Variants in KCND2 observed in about 807,000 individuals in gnomAD.
The protein encoded by KCND2 is potassium voltage-gated channel subfamily D member 2, also known as A-type voltage-gated potassium channel KCND2.
Under a neutral mutation model 54.4 loss-of-function variants are expected in KCND2, and 16 were observed. That is an observed-to-expected ratio of 0.29 (90% CI 0.20 to 0.45). The LOEUF is 0.45. Among genes scored for constraint, KCND2 ranks in the 20% least tolerant of loss-of-function variants. The pLI is 1.00. For synonymous variants in KCND2, 317 were observed against 310.7 expected, an observed-to-expected ratio of 1.02 and a Z score of -0.21; for missense variants, 486 against 824.2, an observed-to-expected ratio of 0.59 and a Z score of 5.02.
At chr7:120,434,269 A>G (rs1399674527) in intron 1 of KCND2, among the ~76,000 whole-genome samples, 3 of 152,210 alleles carry the variant, frequency 2.0e-5, no homozygotes, top group African/African-American at 4.8e-5. Context: ...AGAGGCATCT[A>G]TGGGAGGAAA....
At chr7:120,318,712 T>C (rs898801394) in intron 1 of KCND2, among the ~76,000 whole-genome samples, 5 of 152,174 alleles carry the variant, frequency 3.3e-5, no homozygotes, top group African/African-American at 1.2e-4. Context: ...CCAGGTCTCA[T>C]GTTATGAAGA....
At chr7:120,504,301 T>A (rs1335047700) in intron 1 of KCND2, among the ~76,000 whole-genome samples, 1 of 151,900 alleles carries the variant, frequency 6.6e-6, no homozygotes, top group Admixed American at 6.6e-5. Context: ...TATCAGAGAG[T>A]CCCTTATTAG....
chr7:120,308,441 T>G (rs995335947), intron 1 of KCND2, among the ~76,000 whole-genome samples: 3 of 152,188 alleles, frequency 2.0e-5, no homozygotes, highest in Non-Finnish European at 2.9e-5. Flanking sequence ...TTTTGAGAAC[T>G]TAGCCGGATT....
intron 1 of KCND2, among the ~76,000 whole-genome samples, chr7:120,355,179 C>T (rs1356351052): frequency 6.6e-6 from 1 of 152,194 alleles, no homozygotes; most frequent in Non-Finnish European, 1.5e-5. Context: ...AATACCTCTA[C>T]TACACCTAAT....
intron 1 of KCND2, among the ~76,000 whole-genome samples, chr7:120,554,220 G>A (rs1792134930): frequency 6.6e-6 from 1 of 152,142 alleles, no homozygotes; most frequent in South Asian, 2.1e-4. Context: ...ATATCTTTTA[G>A]TGTAAATATG....
intron 1 of KCND2, among the ~76,000 whole-genome samples, chr7:120,630,865 AAAG>A (rs1793225303): frequency 6.6e-6 from 1 of 152,200 alleles, no homozygotes; most frequent in African/African-American, 2.4e-5. Flanking sequence ...ACAGTATTTT[AAAG>A]AAGAAATTGA....
chr7:120,493,824 T>C (rs568541188), intron 1 of KCND2, among the ~76,000 whole-genome samples: 4 of 152,142 alleles, frequency 2.6e-5, no homozygotes, highest in Non-Finnish European at 5.9e-5. Context: ...TTAGGAGACA[T>C]GATTAAAAGT....
chr7:120,414,546 A>G (rs1273532825), intron 1 of KCND2, among the ~76,000 whole-genome samples: 1 of 152,058 alleles, frequency 6.6e-6, no homozygotes, highest in Non-Finnish European at 1.5e-5. Context: ...TCACATTTTG[A>G]TCTTATCTCT....
At chr7:120,573,046 T>C (rs1288645974) in intron 1 of KCND2, among the ~76,000 whole-genome samples, 1 of 152,184 alleles carries the variant, frequency 6.6e-6, no homozygotes, top group African/African-American at 2.4e-5. Context: ...ATAAAAATCC[T>C]TTTTAGATTA....
chr7:120,671,447 A>C lies in KCND2; in HGVS notation c.1116-61456A>C, dbSNP rs1040114007. Among the ~76,000 whole-genome samples, 6 of 152,176 alleles carry C rather than the reference A, an allele frequency of 3.9e-5. No individual in the cohort carries two copies. In the East Asian group the frequency reaches 9.7e-4, roughly 25 times the overall value. On this transcript the variant is annotated intron_variant, in intron 1 of 5. Coordinates refer to ENST00000331113, the MANE Select transcript of KCND2 (RefSeq NM_012281.3). ...ACAGGCCACAGACTGATGGTGGTCT[A>C]CGGCCCGGGAGGTGGGGACCTCTGC...
intron 1 of KCND2, among the ~76,000 whole-genome samples, chr7:120,594,621 A>C (rs1175632578): frequency 6.6e-6 from 1 of 152,226 alleles, no homozygotes; most frequent in Non-Finnish European, 1.5e-5. Context: ...ACAGATTGGC[A>C]TTGGGAAATC....
At position 120,729,746 on chromosome 7, in the gene KCND2, C is replaced by A. The variant is rs566244836; in HGVS notation, c.1116-3157C>A. On this transcript the variant is annotated intron_variant, in intron 1 of 5. Coordinates refer to ENST00000331113, the MANE Select transcript of KCND2 (RefSeq NM_012281.3). ...TCATTGCAGTCCTGCCCAGTCCTTGCAAATACTCACCTGTGTTTTCTCAGT... is the reference window on the plus strand; with the variant it reads ...TCATTGCAGTCCTGCCCAGTCCTTGAAAATACTCACCTGTGTTTTCTCAGT... 2.0e-4 allele frequency among the ~76,000 whole-genome samples: 31 copies of A among 152,282 alleles called. No homozygotes were observed. In the South Asian group the frequency reaches 5.8e-3, roughly 29 times the overall value.
chr7:120,745,834 A>G lies in KCND2; in HGVS notation c.1522A>G (p.Thr508Ala), dbSNP rs1472204168. 7.4e-6 allele frequency: 12 copies of G among 1,613,606 alleles called. No homozygotes were observed. The highest frequency in any genetic ancestry group is 5.1e-6 in the Non-Finnish European group (6 of 1,179,718). Residue 508 changes from threonine to alanine, a missense_variant, in exon 5 of 6, where the codon ACT (threonine) becomes GCT (alanine). By Grantham distance (58) the Thr-to-Ala change is moderately conservative (BLOSUM62 0). Transcript: ENST00000331113. ...VFEESCMEVA[T>A]VNRPSSHSPS... ...TGAAGAAAGCTGCATGGAAGTTGCA[A>G]CTGTTAATCGTCCTTCAAGTCACAG...
intron 1 of KCND2, among the ~76,000 whole-genome samples, chr7:120,600,240 T>A (rs1260231907): frequency 6.6e-6 from 1 of 151,974 alleles, no homozygotes; most frequent in Non-Finnish European, 1.5e-5. Context: ...CCATAATCCA[T>A]CCCTTGTATA....
At chr7:120,592,648 GTCTT>G (rs1396859874) in intron 1 of KCND2, among the ~76,000 whole-genome samples, 1 of 152,140 alleles carries the variant, frequency 6.6e-6, no homozygotes, top group African/African-American at 2.4e-5. Context: ...AAGCACATTC[GTCTT>G]TCTTCATCAT....
chr7:120,566,232 A>T (rs1176703743), intron 1 of KCND2, among the ~76,000 whole-genome samples: 1 of 152,212 alleles, frequency 6.6e-6, no homozygotes, highest in Non-Finnish European at 1.5e-5. Context: ...GGGAAAAGAG[A>T]CCTTGATCTC....
chr7:120,552,953 T>C (rs1792120147), intron 1 of KCND2, among the ~76,000 whole-genome samples: 2 of 152,240 alleles, frequency 1.3e-5, no homozygotes, highest in Admixed American at 6.5e-5. Context: ...ACATGCACAA[T>C]GCGATGTTTT....
rs578173485 is a variant in KCND2, at chr7:120,722,791, A to G, written c.1116-10112A>G. ...TTCTTGTTTTAAGGCTGCCTAACTGACATTCTCCCCTAAGGCTGGCACTGC... is the reference window on the plus strand; with the variant it reads ...TTCTTGTTTTAAGGCTGCCTAACTGGCATTCTCCCCTAAGGCTGGCACTGC... On this transcript the variant is annotated intron_variant, in intron 1 of 5. Transcript: ENST00000331113. 2.0e-5 allele frequency among the ~76,000 whole-genome samples: 3 copies of G among 152,272 alleles called. No homozygotes were observed. The South Asian group carries it at 6.2e-4, about 32-fold the overall frequency.
chr7:120,399,643 G>A (rs1033892110), intron 1 of KCND2, among the ~76,000 whole-genome samples: 3 of 151,598 alleles, frequency 2.0e-5, no homozygotes, highest in African/African-American at 4.8e-5. Flanking sequence ...TATTCTTCAC[G>A]TAATAATTTT....
Sources: allele counts gnomAD v4.1 joint callset (sites outside exome capture counted in the v4.1 genomes callset), GRCh38; gene constraint gnomAD v4.1.1; transcripts MANE v1.5; gene names NCBI Gene and HGNC (gene_info 2026-07-23, HGNC 2026-07-21).